Variants in EPS8 observed in about 807,000 individuals in gnomAD.
The protein encoded by EPS8 is epidermal growth factor receptor kinase substrate 8.
EPS8 carries 42 observed loss-of-function variants against 103.8 expected under a neutral mutation model. The ratio of observed to expected loss-of-function variants is 0.40; its 90% CI spans 0.32 to 0.52. The LOEUF is 0.52. Ranked by LOEUF, EPS8 falls within the 20% of genes least tolerant of loss-of-function variation. The pLI is 0.40. For synonymous variants in EPS8, 344 were observed against 344.6 expected, an observed-to-expected ratio of 1.00 and a Z score of 0.02; for missense variants, 969 against 1,005.1, an observed-to-expected ratio of 0.96 and a Z score of 0.49.
At chr12:15,633,736 C>T (rs936621610) in intron 17 of EPS8, among the ~76,000 whole-genome samples, 2 of 152,180 alleles carry the variant, frequency 1.3e-5, no homozygotes, top group African/African-American at 4.8e-5. Flanking sequence ...CCTTAGTCCT[C>T]TCCTCCTGCC....
chr12:15,655,603 G>T (rs548611114), intron 12 of EPS8, among the ~76,000 whole-genome samples: 1 of 152,056 alleles, frequency 6.6e-6, no homozygotes, highest in Non-Finnish European at 1.5e-5. Context: ...AACCTCGAAC[G>T]CATTTCCAAT....
In EPS8 at chr12:15,749,213, T is replaced by C. The variant is rs1946906599; in HGVS notation, c.-22+39948A>G. ...AAACAAGTAATTAAAAAAAAATTTATTCTGGTTTCCAACACTGTCCAATAG... is the reference window on the plus strand; with the variant it reads ...AAACAAGTAATTAAAAAAAAATTTACTCTGGTTTCCAACACTGTCCAATAG... On this transcript the variant is annotated intron_variant, in intron 1 of 20. Transcript: ENST00000281172. The surrounding 1 kb of genome is among the most constrained non-coding windows in gnomAD (Gnocchi z 4.0). Among the ~76,000 whole-genome samples, 1 of 152,172 alleles carries C rather than the reference T, an allele frequency of 6.6e-6. No homozygotes were observed. The highest frequency in any genetic ancestry group is 2.4e-5 in the African/African-American group (1 of 41,430).
At position 15,660,269 on chromosome 12, in the gene EPS8, C is replaced by T. The variant is rs1014221091; in HGVS notation, c.937+345G>A. 5.9e-5 allele frequency among the ~76,000 whole-genome samples: 9 copies of T among 151,700 alleles called. No homozygotes were observed. In the East Asian group the frequency reaches 1.5e-3, roughly 26 times the overall value. ...TTGAGGGTCAAAACTCTGCCTAGTA[C>T]CAGAGTTCTTTTTTTTTTTTTTTGA... On this transcript the variant is annotated intron_variant, in intron 10 of 20. Coordinates refer to ENST00000281172, the MANE Select transcript of EPS8 (RefSeq NM_004447.6).
chr12:15,698,790 C>T lies in EPS8; in HGVS notation c.-21-15818G>A, dbSNP rs1946274536. Among the ~76,000 whole-genome samples, 1 of 152,096 alleles carries T rather than the reference C, an allele frequency of 6.6e-6. No homozygotes were observed. The highest frequency in any genetic ancestry group is 2.1e-4 in the South Asian group (1 of 4,828). ...AAGAATGGTGTTTAATCTCAACTGCCTCTGTTGAAACCTCAGGCAAGGTCA... is the reference window on the plus strand; with the variant it reads ...AAGAATGGTGTTTAATCTCAACTGCTTCTGTTGAAACCTCAGGCAAGGTCA... On this transcript the variant is annotated intron_variant, in intron 1 of 20. Transcript: ENST00000281172. This position sits in a 1 kb window ranked among gnomAD's most constrained non-coding sequence, Gnocchi z 4.9.
intron 1 of EPS8, among the ~76,000 whole-genome samples, chr12:15,689,397 T>C (rs1008369188): frequency 2.0e-5 from 3 of 152,166 alleles, no homozygotes; most frequent in South Asian, 2.1e-4. Flanking sequence ...CAACATACTT[T>C]ACAAAAGCAA....
chr12:15,698,339 A>C lies in EPS8; in HGVS notation c.-21-15367T>G, dbSNP rs1216535852. Among the ~76,000 whole-genome samples the C allele has an allele frequency of 6.6e-6, 1 of 152,204 alleles. No individual in the cohort carries two copies. The highest frequency in any genetic ancestry group is 1.5e-5 in the Non-Finnish European group (1 of 68,042). On this transcript the variant is annotated intron_variant, in intron 1 of 20. Coordinates refer to ENST00000281172, the MANE Select transcript of EPS8 (RefSeq NM_004447.6). This position sits in a 1 kb window ranked among gnomAD's most constrained non-coding sequence, Gnocchi z 4.9. ...ATATTTTAACCAAGTAAGTTAAAACAGAAAAAATTCAGCAGCTCTAGCTTC... is the reference window on the plus strand; with the variant it reads ...ATATTTTAACCAAGTAAGTTAAAACCGAAAAAATTCAGCAGCTCTAGCTTC...
intron 1 of EPS8, among the ~76,000 whole-genome samples, chr12:15,699,289 T>C (rs1489772842): frequency 6.6e-5 from 10 of 152,136 alleles, no homozygotes; most frequent in Admixed American, 6.6e-4. Context: ...GAAAAGAAAA[T>C]AGTATGAAGA....
At chr12:15,632,335 T>C (rs1289789195) in intron 17 of EPS8, among the ~76,000 whole-genome samples, 1 of 152,162 alleles carries the variant, frequency 6.6e-6, no homozygotes, top group African/African-American at 2.4e-5. Context: ...TTAAAAAAGG[T>C]AGGTGTGACA....
rs1945402152 is a variant in EPS8, at chr12:15,650,911, A to G, written c.1346T>C (p.Met449Thr). Residue 449 changes from methionine to threonine, a missense_variant, in exon 14 of 21, where the codon ATG becomes ACG. Transcript: ENST00000281172. The stretch of plus-strand genomic sequence containing the variant: ...TGCCAGTTGATAAAGATCTTGTTCC[A>G]TTGTGGCTCCCATAAAGTTCAGCAT... ...PPMLNFMGAT[M>T]EQDLYQLAES... 1 of 1,613,962 alleles carries G rather than the reference A, an allele frequency of 6.2e-7. No homozygotes were observed.
chr12:15,744,560 C>T (rs1187990778), intron 1 of EPS8, among the ~76,000 whole-genome samples: 2 of 152,134 alleles, frequency 1.3e-5, no homozygotes, highest in African/African-American at 4.8e-5. Context: ...AAGTGCTTTA[C>T]ATATTTAATA....
chr12:15,720,972 T>C (rs1946588805), intron 1 of EPS8, among the ~76,000 whole-genome samples: 1 of 152,228 alleles, frequency 6.6e-6, no homozygotes, highest in African/African-American at 2.4e-5. Context: ...CTTTTATTTT[T>C]TATTTTCTCC....
At position 15,714,217 on chromosome 12, in the gene EPS8, A is replaced by C. The variant is rs1027391283; in HGVS notation, c.-21-31245T>G. On this transcript the variant is annotated intron_variant, in intron 1 of 20. Coordinates refer to ENST00000281172, the MANE Select transcript of EPS8 (RefSeq NM_004447.6). The surrounding 1 kb of genome is among the most constrained non-coding windows in gnomAD (Gnocchi z 4.1). Reference sequence around the variant, plus strand: ...AAACAGAAAATTGAGTGCTCAACTGATTTTTAATATGAAGACACCAAAAAA... The same window carrying C: ...AAACAGAAAATTGAGTGCTCAACTGCTTTTTAATATGAAGACACCAAAAAA... Among the ~76,000 whole-genome samples, 3 of 152,138 alleles carry C rather than the reference A, an allele frequency of 2.0e-5. No individual in the cohort carries two copies. The highest frequency in any genetic ancestry group is 7.2e-5 in the African/African-American group (3 of 41,434).
intron 1 of EPS8, chr12:15,782,013 C>T (rs139078591): frequency 0.029 from 4,397 of 152,316 alleles, 88 homozygotes; most frequent in Non-Finnish European, 0.041. Flanking sequence ...GAAATTTCAA[C>T]ATGAGTTTTG....
intron 13 of EPS8, among the ~76,000 whole-genome samples, chr12:15,651,930 T>C (rs1165590817): frequency 2.0e-5 from 3 of 152,164 alleles, no homozygotes; most frequent in African/African-American, 4.8e-5. Context: ...TTTGATGTAG[T>C]TTTTTGAATG....
chr12:15,703,847 G>GTTTTTTTTTTTTTTTT (rs58735135), intron 1 of EPS8, among the ~76,000 whole-genome samples: 1 of 61,234 alleles, frequency 1.6e-5, no homozygotes, highest in African/African-American at 7.3e-5. Context: ...CTATGTATTT[G>GTTTTTTTTTTTTTTTT]TTTTTTTTTT....
intron 1 of EPS8, among the ~76,000 whole-genome samples, chr12:15,715,189 T>C (rs775030931): frequency 6.6e-6 from 1 of 152,112 alleles, no homozygotes; most frequent in Non-Finnish European, 1.5e-5. Flanking sequence ...GGTTGACATG[T>C]GGAAGACAAA....
In EPS8 at chr12:15,745,017, C is replaced by T. The variant is rs1472714912; in HGVS notation, c.-22+44144G>A. Among the ~76,000 whole-genome samples, 1 of 152,104 alleles carries T rather than the reference C, an allele frequency of 6.6e-6. No individual in the cohort carries two copies. The highest frequency in any genetic ancestry group is 1.5e-5 in the Non-Finnish European group (1 of 68,026). Reference sequence around the variant, plus strand: ...TAGCTGGGATTACTGGCATGTGCCACCACGCCCAGCTAATTTTTGTATTTT... The same window carrying T: ...TAGCTGGGATTACTGGCATGTGCCATCACGCCCAGCTAATTTTTGTATTTT... On this transcript the variant is annotated intron_variant, in intron 1 of 20. Coordinates refer to ENST00000281172, the MANE Select transcript of EPS8 (RefSeq NM_004447.6). This position sits in a 1 kb window ranked among gnomAD's most constrained non-coding sequence, Gnocchi z 4.6.
chr12:15,654,092 C>T, intron 13 of EPS8, 53 bp downstream of exon 13: 1 of 1,514,026 alleles, frequency 6.6e-7, no homozygotes, highest in Middle Eastern at 1.7e-4. Flanking sequence ...TCATTAGATC[C>T]ATGTAATTAA....
rs1213482477 is a variant in EPS8, at chr12:15,752,753, ATAG to A, written c.-22+36405_-22+36407del. On this transcript the variant is annotated intron_variant, in intron 1 of 20. Transcript: ENST00000281172. This position sits in a 1 kb window ranked among gnomAD's most constrained non-coding sequence, Gnocchi z 4.4. The stretch of plus-strand genomic sequence containing the variant: ...AATGATGATGTTGGTCATGATAAAA[ATAG>A]TAGGAAAATTAATTGTAATAACAGT... 6.6e-6 allele frequency among the ~76,000 whole-genome samples: 1 copy of A among 152,154 alleles called. No homozygotes were observed. The highest frequency in any genetic ancestry group is 1.5e-5 in the Non-Finnish European group (1 of 68,030).
Sources: gnomAD v4.1 joint callset for allele counts (sites outside exome capture counted in the v4.1 genomes callset) on GRCh38, gnomAD v4.1.1 for gene constraint, Gnocchi (gnomAD v3.1) non-coding constraint, MANE v1.5 for transcripts, NCBI Gene and HGNC (gene_info 2026-07-23, HGNC 2026-07-21) for gene names.